The following MBOAT2 variants were observed in gnomAD, a reference collection of about 807,000 sequenced individuals.
The protein encoded by MBOAT2 is membrane bound glycerophospholipid O-acyltransferase 2, also known as membrane-bound glycerophospholipid O-acyltransferase 2.
In MBOAT2, 28 loss-of-function variants were observed where a neutral mutation model predicts 63.4. The observed-to-expected ratio is 0.44, with a 90% CI of 0.33 to 0.61. MBOAT2 has a LOEUF of 0.61. Ranked by LOEUF, MBOAT2 falls within the 20% of genes least tolerant of loss-of-function variation. MBOAT2 has a pLI of 0.03. For missense variants in MBOAT2, 470 were observed against 605.8 expected (o/e 0.78, Z 2.35); for synonymous variants, 211 against 215.6 (o/e 0.98, Z 0.19).
In MBOAT2 at chr2:8,873,475, T is replaced by G. The variant is rs141934639; in HGVS notation, c.691-175A>C. Among the ~76,000 whole-genome samples the G allele has an allele frequency of 5.4e-3, 818 of 152,334 alleles. 2 individuals carry two copies. The highest frequency in any genetic ancestry group is 0.012 in the African/African-American group (482 of 41,574). ...TAAAGTCTTCCATGGTCTCATGGTATGAACTTTTCCAACTGTATCTATAAG... is the reference window on the plus strand; with the variant it reads ...TAAAGTCTTCCATGGTCTCATGGTAGGAACTTTTCCAACTGTATCTATAAG... On this transcript the variant is annotated intron_variant, in intron 7 of 12. Transcript: ENST00000305997.
At position 8,873,248 on chromosome 2, in the gene MBOAT2, A is replaced by C. The variant is rs760240347; in HGVS notation, c.743T>G (p.Leu248Trp). ...LVCGLSLLFH[L>W]TICTTLPVEY... ...CACAGGTAATGTTGTACAGATGGTCAAGTGAAATAACAAGGACAGCCCACA... is the reference window on the plus strand; with the variant it reads ...CACAGGTAATGTTGTACAGATGGTCCAGTGAAATAACAAGGACAGCCCACA... The change falls in exon 8 of 13, where the codon TTG (leucine) becomes TGG (tryptophan). Residue 248 changes from leucine (L) to tryptophan (W), a missense_variant. By Grantham distance (61) the Leu-to-Trp change is moderately conservative. Around this residue, in one of 3 missense-constraint regions of MBOAT2, gnomAD observed 376 missense variants for 503.8 expected, o/e 0.75. Transcript: ENST00000305997. 3 of 1,614,084 alleles carry C rather than the reference A, an allele frequency of 1.9e-6. No homozygotes were observed. The highest frequency in any genetic ancestry group is 2.2e-5 in the East Asian group (1 of 44,900).
At chr2:8,925,080 C>G (rs1056375029) in intron 3 of MBOAT2, among the ~76,000 whole-genome samples, 1 of 152,136 alleles carries the variant, frequency 6.6e-6, no homozygotes, top group Non-Finnish European at 1.5e-5. Flanking sequence ...AAAAACACAT[C>G]CAGATTTCAG....
intron 1 of MBOAT2, among the ~76,000 whole-genome samples, chr2:8,980,528 G>T (rs1266527901): frequency 2.0e-5 from 3 of 152,104 alleles, no homozygotes; most frequent in African/African-American, 7.2e-5. Flanking sequence ...GAGTGACATG[G>T]TCTGCCTACC....
chr2:8,914,307 AC>A (rs1558609396), intron 3 of MBOAT2, among the ~76,000 whole-genome samples: 1 of 152,208 alleles, frequency 6.6e-6, no homozygotes, highest in African/African-American at 2.4e-5. Flanking sequence ...AAACAAAAAA[AC>A]AAAAACAATC....
At chr2:8,877,764 G>C (rs1448644192) in intron 6 of MBOAT2, among the ~76,000 whole-genome samples, 1 of 152,214 alleles carries the variant, frequency 6.6e-6, no homozygotes, top group African/African-American at 2.4e-5. Flanking sequence ...GCAGAGACCA[G>C]GAAGAAGTGA....
intron 3 of MBOAT2, among the ~76,000 whole-genome samples, chr2:8,925,793 G>A (rs1320252307): frequency 1.3e-5 from 2 of 152,208 alleles, no homozygotes; most frequent in Non-Finnish European, 2.9e-5. Context: ...TATGATGCAT[G>A]TGTGTTTTCA....
intron 6 of MBOAT2, among the ~76,000 whole-genome samples, chr2:8,880,211 A>C (rs1483491270): frequency 6.6e-6 from 1 of 152,072 alleles, no homozygotes. Flanking sequence ...CAGCAGACCA[A>C]GCAGAAAATG....
At chr2:8,992,399 A>G (rs1232047979) in intron 1 of MBOAT2, among the ~76,000 whole-genome samples, 1 of 152,210 alleles carries the variant, frequency 6.6e-6, no homozygotes, top group Non-Finnish European at 1.5e-5. Context: ...GGCCTCCCAA[A>G]GTGCTAGGAT....
intron 4 of MBOAT2, among the ~76,000 whole-genome samples, chr2:8,891,368 T>A (rs1414446353): frequency 6.6e-6 from 1 of 152,126 alleles, no homozygotes; most frequent in Non-Finnish European, 1.5e-5. Flanking sequence ...AACAGACATA[T>A]GAGTCCAACG....
intron 2 of MBOAT2, among the ~76,000 whole-genome samples, chr2:8,949,646 G>A (rs797002795): frequency 7.2e-5 from 11 of 152,168 alleles, no homozygotes; most frequent in African/African-American, 2.6e-4. Flanking sequence ...CAATTAGATG[G>A]CTGTAGGTGT....
At chr2:8,960,211 A>G (rs1366284595) in intron 1 of MBOAT2, among the ~76,000 whole-genome samples, 2 of 152,190 alleles carry the variant, frequency 1.3e-5, no homozygotes, top group Non-Finnish European at 2.9e-5. Flanking sequence ...TTAACTACTC[A>G]CATCTACATG....
At chr2:8,865,690 G>A (rs1023765680) in intron 9 of MBOAT2, among the ~76,000 whole-genome samples, 5 of 152,202 alleles carry the variant, frequency 3.3e-5, no homozygotes, top group African/African-American at 1.2e-4. Flanking sequence ...ACTCCTAGGA[G>A]TTGTGTAATC....
chr2:8,989,300 C>T (rs931788053), intron 1 of MBOAT2, among the ~76,000 whole-genome samples: 6 of 152,298 alleles, frequency 3.9e-5, no homozygotes, highest in Admixed American at 2.6e-4. Flanking sequence ...GAGTCTACTG[C>T]GTCTGAAGAA....
intron 5 of MBOAT2, among the ~76,000 whole-genome samples, chr2:8,886,702 G>A (rs972199418): frequency 6.6e-6 from 1 of 152,030 alleles, no homozygotes; most frequent in Non-Finnish European, 1.5e-5. Flanking sequence ...TACAAAATGG[G>A]GTTTGTTGTT....
At chr2:8,883,239 A>C (rs1212660640) in intron 5 of MBOAT2, among the ~76,000 whole-genome samples, 1 of 152,178 alleles carries the variant, frequency 6.6e-6, no homozygotes, top group Non-Finnish European at 1.5e-5. Context: ...ACCAAAGCTA[A>C]AGCAATTAAA....
At chr2:8,993,616 CCCCACTAGA>C (rs1275636601) in intron 1 of MBOAT2, among the ~76,000 whole-genome samples, 2 of 152,124 alleles carry the variant, frequency 1.3e-5, no homozygotes, top group African/African-American at 2.4e-5. Context: ...CCCAGCATGA[CCCCACTAGA>C]CCCACTAGAC....
intron 2 of MBOAT2, 37 bp downstream of exon 2, chr2:8,958,460 T>C (rs778222396): frequency 1.2e-5 from 18 of 1,530,940 alleles, no homozygotes; most frequent in South Asian, 9.0e-5. Context: ...TACATCCAAA[T>C]AGTCTTCATT....
intron 7 of MBOAT2, among the ~76,000 whole-genome samples, chr2:8,875,702 T>C (rs757996289): frequency 2.6e-5 from 4 of 152,208 alleles, no homozygotes; most frequent in Non-Finnish European, 4.4e-5. Context: ...TGTCTACAAT[T>C]GTCTTTACCT....
chr2:8,910,495 T>C (rs948822461), intron 3 of MBOAT2, among the ~76,000 whole-genome samples: 1 of 152,196 alleles, frequency 6.6e-6, no homozygotes, highest in Non-Finnish European at 1.5e-5. Flanking sequence ...TATGTTTTGA[T>C]GTAATGACAT....
Sources: gnomAD v4.1 joint callset for allele counts (sites outside exome capture counted in the v4.1 genomes callset) on GRCh38, gnomAD v4.1.1 for gene constraint, gnomAD v4.1.1 regional missense constraint, MANE v1.5 for transcripts, NCBI Gene and HGNC (gene_info 2026-07-23, HGNC 2026-07-21) for gene names.